Variants in EFHD1 observed in about 807,000 individuals in gnomAD.
EFHD1 encodes the protein EF-hand domain family member D1, also known as EF-hand domain-containing protein D1.
EFHD1 carries 10 observed loss-of-function variants against 17.2 expected under a neutral mutation model. The ratio of observed to expected loss-of-function variants is 0.58; its 90% confidence interval spans 0.36 to 0.99. The LOEUF (loss-of-function observed/expected upper bound fraction) is 0.99, where lower values mean the gene tolerates loss of function less well. EFHD1 is among the 50% of genes least tolerant of loss of function. The pLI is 0.01. For synonymous variants in EFHD1, 153 were observed against 142.0 expected (o/e 1.08, Z -0.55); for missense variants, 310 against 327.5 (o/e 0.95, Z 0.41).
upstream of EFHD1, among the ~76,000 whole-genome samples, chr2:232,631,691 T>A (rs1362685398): frequency 2.6e-5 from 3 of 115,772 alleles, no homozygotes; most frequent in African/African-American, 3.6e-5. Context: ...ATAAGAACAT[T>A]AAAAAAAAAA....
At chr2:232,679,734 A>G (rs1226145188) in intron 3 of EFHD1, among the ~76,000 whole-genome samples, 6 of 151,192 alleles carry the variant, frequency 4.0e-5, no homozygotes, top group Admixed American at 3.3e-4. Context: ...AAAAAAAAAA[A>G]GGAACTGCAA....
At position 232,633,643 on chromosome 2, in the gene EFHD1, C is replaced by T; in HGVS notation, c.-62C>T. ...CCTCGAGCCTGCGAGGAGCGCGCCG[C>T]CCGCCAGCTCCCTGCGTCCCGTCCC... is the stretch of plus-strand genomic sequence containing the variant. On this transcript the variant is annotated 5_prime_UTR_variant, in exon 1 of 4. Coordinates refer to ENST00000264059, the MANE Select transcript of EFHD1 (RefSeq NM_025202.4). The T allele has an allele frequency of 1.5e-6, 2 of 1,361,032 alleles. No homozygotes were observed. The highest frequency in any genetic ancestry group is 1.9e-6 in the Non-Finnish European group (2 of 1,066,832). 84.3% of individuals were successfully genotyped at this position (1,361,032 alleles called of 1,614,324 possible). A position where few individuals can be genotyped will look rare whatever the true frequency, so the allele number is the denominator to read the frequency against.
intron 1 of EFHD1, among the ~76,000 whole-genome samples, chr2:232,625,948 T>G (rs1279112408): frequency 1.3e-5 from 2 of 152,178 alleles, no homozygotes; most frequent in African/African-American, 4.8e-5. Flanking sequence ...CCCAGCATTT[T>G]GGGAGGCTGC....
chr2:232,606,817 G>C (rs1468895543), intron 1 of EFHD1: 3 of 151,770 alleles, frequency 2.0e-5, no homozygotes, highest in Non-Finnish European at 4.4e-5. Flanking sequence ...GTGAACCCGG[G>C]AGGCGGAACT....
rs566488754 is a variant in EFHD1 at position 232,621,662 on chromosome 2, G to A, written c.14+15489G>A. Among the ~76,000 whole-genome samples, 360 of 152,236 alleles carry A rather than the reference G, an allele frequency of 2.4e-3. 2 individuals carry two copies. The highest frequency in any genetic ancestry group is 8.2e-3 in the African/African-American group (341 of 41,576). On this transcript the variant is annotated intron_variant, in intron 1 of 3. Coordinates refer to the EFHD1 transcript ENST00000409613. ...AGACGGGGTTTCACCATGTTGACCA[G>A]GCTGGTCTCGAACTCCTGACCTCAG...
intron 1 of EFHD1, among the ~76,000 whole-genome samples, chr2:232,614,893 T>G (rs1693893228): frequency 6.6e-6 from 1 of 152,072 alleles, no homozygotes; most frequent in Non-Finnish European, 1.5e-5. Flanking sequence ...GGAGGATCGC[T>G]TGAGCCCAGG....
chr2:232,624,447 TTC>T (rs1280408335), intron 1 of EFHD1, among the ~76,000 whole-genome samples: 1 of 152,250 alleles, frequency 6.6e-6, no homozygotes, highest in African/African-American at 2.4e-5. Context: ...TGATGCCTGA[TTC>T]TCTGATTCTC....
intron 1 of EFHD1, chr2:232,606,191 C>G: frequency 1.5e-6 from 1 of 676,344 alleles, no homozygotes; most frequent in Non-Finnish European, 2.4e-6. Context: ...CTCTTTAAAT[C>G]CCCTTTCACC....
At chr2:232,629,746 G>A (rs560207834), upstream of EFHD1, among the ~76,000 whole-genome samples, 1 of 151,992 alleles carries the variant, frequency 6.6e-6, no homozygotes, top group Non-Finnish European at 1.5e-5. Context: ...TGGGATTATA[G>A]GCATGAGCCA....
At chr2:232,656,643 C>A (rs1004537336) in intron 1 of EFHD1, among the ~76,000 whole-genome samples, 1 of 151,820 alleles carries the variant, frequency 6.6e-6, no homozygotes, top group Non-Finnish European at 1.5e-5. Context: ...CACTATGTTG[C>A]CCAGGCTTGT....
intron 1 of EFHD1, among the ~76,000 whole-genome samples, chr2:232,659,361 G>A (rs1052988203): frequency 1.4e-4 from 22 of 152,112 alleles, no homozygotes; most frequent in Admixed American, 3.3e-4. Flanking sequence ...GCTAAGTCCC[G>A]GAGAAGGATG....
chr2:232,661,464 C>G (rs1242871299), intron 1 of EFHD1, among the ~76,000 whole-genome samples: 1 of 152,054 alleles, frequency 6.6e-6, no homozygotes, highest in African/African-American at 2.4e-5. Context: ...AAGGTTCACC[C>G]GTGTATAAGC....
chr2:232,666,930 G>A (rs1047582293), intron 2 of EFHD1, among the ~76,000 whole-genome samples: 1 of 152,196 alleles, frequency 6.6e-6, no homozygotes, highest in Non-Finnish European at 1.5e-5. Flanking sequence ...GGTCCCCAGA[G>A]TGAGATCTTT....
At chr2:232,609,057 T>TTC (rs1371879077) in intron 1 of EFHD1, among the ~76,000 whole-genome samples, 1 of 118,366 alleles carries the variant, frequency 8.4e-6, no homozygotes, top group Non-Finnish European at 1.6e-5. Context: ...ATAAGTTCTT[T>TTC]TTTTTTTTTT....
At chr2:232,630,404 C>G (rs535349893), upstream of EFHD1, among the ~76,000 whole-genome samples, 1 of 152,122 alleles carries the variant, frequency 6.6e-6, no homozygotes, top group Non-Finnish European at 1.5e-5. Flanking sequence ...CCAGGTGTTG[C>G]CTGGTGAATA....
intron 1 of EFHD1, among the ~76,000 whole-genome samples, chr2:232,653,520 C>A (rs1210609476): frequency 3.3e-5 from 5 of 152,178 alleles, no homozygotes; most frequent in Non-Finnish European, 5.9e-5. Context: ...CAACTCCTGA[C>A]CTCAAGTGAT....
chr2:232,641,294 A>G (rs2106197940), intron 1 of EFHD1, among the ~76,000 whole-genome samples: 2 of 152,166 alleles, frequency 1.3e-5, no homozygotes, highest in South Asian at 4.2e-4. Context: ...TCTGCCTCCC[A>G]AAAGTGTTGG....
Position 232,633,671 on chromosome 2 carries a change from G to A in EFHD1, c.-34G>A. The stretch of plus-strand genomic sequence containing the variant: ...GCCAGCTCCCTGCGTCCCGTCCCGC[G>A]TCCCCGCGTTCCCGCGTCCTGCGAT... On this transcript the variant is annotated 5_prime_UTR_variant, in exon 1 of 4. Coordinates refer to ENST00000264059, the MANE Select transcript of EFHD1 (RefSeq NM_025202.4). 1 of 1,400,396 alleles carries A rather than the reference G, an allele frequency of 7.1e-7. No individual in the cohort carries two copies. Among genetic ancestry groups the A allele is most frequent in the Admixed American group, 3.5e-5 (1 of 28,812 alleles). The allele number at this position is 1,400,396 out of a possible 1,614,324, so 86.7% of individuals were successfully genotyped here. A position where few individuals can be genotyped will look rare whatever the true frequency, so the allele number is the denominator to read the frequency against.
chr2:232,643,828 G>T (rs1329306883), intron 1 of EFHD1, among the ~76,000 whole-genome samples: 2 of 152,102 alleles, frequency 1.3e-5, no homozygotes, highest in Non-Finnish European at 2.9e-5. Flanking sequence ...GGATTATAGG[G>T]CGTGCTACCA....
Sources: gnomAD v4.1 joint callset for allele counts (sites outside exome capture counted in the v4.1 genomes callset) on GRCh38, gnomAD v4.1.1 for gene constraint, MANE v1.5 for transcripts, NCBI Gene and HGNC (gene_info 2026-07-23, HGNC 2026-07-21) for gene names.